The following NTM variants were observed in gnomAD, a reference collection of about 807,000 sequenced individuals.
NTM encodes the protein neurotrimin.
A neutral mutation model predicts 42.1 loss-of-function variants in NTM; 13 were observed. That is an observed-to-expected ratio of 0.31 (90% CI 0.20 to 0.49). NTM has a LOEUF of 0.49. Ranked by LOEUF, NTM falls within the 20% of genes least tolerant of loss-of-function variation. The pLI, the probability that NTM is intolerant of heterozygous loss-of-function variation, is 0.99. For missense variants in NTM, 373 were observed against 452.8 expected, an observed-to-expected ratio of 0.82 and a Z score of 1.60; for synonymous variants, 187 against 179.2, an observed-to-expected ratio of 1.04 and a Z score of -0.35.
intron 2 of NTM, among the ~76,000 whole-genome samples, chr11:132,144,485 G>A (rs989066214): frequency 6.6e-6 from 1 of 152,136 alleles, no homozygotes; most frequent in Non-Finnish European, 1.5e-5. Flanking sequence ...AATATTCTGT[G>A]TTCTTATTTT....
At chr11:131,588,616 AACAG>A (rs1592137456) in intron 1 of NTM, among the ~76,000 whole-genome samples, 1 of 152,346 alleles carries the variant, frequency 6.6e-6, no homozygotes, top group East Asian at 1.9e-4. Flanking sequence ...CTAGAACCAA[AACAG>A]ACAATCAAAA....
intron 1 of NTM, among the ~76,000 whole-genome samples, chr11:131,733,518 CCTTTCT>C (rs2079996516): frequency 1.1e-5 from 1 of 91,606 alleles, no homozygotes; most frequent in African/African-American, 3.8e-5. Flanking sequence ...TTCCTTCCTT[CCTTTCT>C]TTCTTTCTTT....
intron 2 of NTM, among the ~76,000 whole-genome samples, chr11:132,104,259 G>T (rs999135582): frequency 9.2e-5 from 14 of 152,138 alleles, no homozygotes; most frequent in Non-Finnish European, 1.5e-4. Flanking sequence ...ATGAGGCTAT[G>T]TACCAAAATA....
chr11:132,054,574 T>G (rs775114346), intron 2 of NTM, among the ~76,000 whole-genome samples: 2 of 152,232 alleles, frequency 1.3e-5, no homozygotes, highest in Non-Finnish European at 2.9e-5. Context: ...GAGTTAGCTC[T>G]CAATGAGTTA....
intron 1 of NTM, among the ~76,000 whole-genome samples, chr11:131,565,897 A>AC (rs2056831889): frequency 1.3e-5 from 2 of 152,070 alleles, no homozygotes; most frequent in Admixed American, 1.3e-4. Context: ...CCTTGTGCGG[A>AC]CCCATCTACA....
chr11:132,316,154 G>C lies in NTM; in HGVS notation c.934+1451G>C, dbSNP rs1220472856. On this transcript the variant is annotated intron_variant, in intron 7 of 8. Transcript: ENST00000683400. ...ACTTTGACCTACTCTCTCCTGACTT[G>C]GTTGCATGAAATGGTTCAGCCATTG... Among the ~76,000 whole-genome samples, 80 of 131,482 alleles carry C rather than the reference G, an allele frequency of 6.1e-4. No individual in the cohort carries two copies. The Admixed American group carries it at 7.4e-3, about 12-fold the overall frequency. 86.3% of individuals were successfully genotyped at this position (131,482 alleles called of 152,430 possible).
chr11:131,371,142 C>A, intron 1 of NTM: 1 of 975,688 alleles, frequency 1.0e-6, no homozygotes, highest in Non-Finnish European at 1.2e-6. Context: ...TAGGACTGTG[C>A]TTGTGTGCAA....
rs552388550 is a variant in NTM at position 132,319,160 on chromosome 11, G to T, written c.934+4457G>T. Among the ~76,000 whole-genome samples the T allele has an allele frequency of 2.4e-3, 364 of 152,312 alleles. 2 individuals carry two copies. The highest frequency in any genetic ancestry group is 0.014 in the Middle Eastern group (4 of 294). On this transcript the variant is annotated intron_variant, in intron 7 of 8. Transcript: ENST00000683400. ...CTGAGGAGCCAAGATGGCCGAATAG[G>T]AACAGCTCCAGTCTACAGCTCCCAG...
At chr11:132,132,030 A>G (rs2137085447) in intron 2 of NTM, among the ~76,000 whole-genome samples, 1 of 152,328 alleles carries the variant, frequency 6.6e-6, no homozygotes, top group South Asian at 2.1e-4. Context: ...GTTTCCGTAA[A>G]GGACTTAGAT....
rs542763858 is a variant in NTM at position 132,336,388 on chromosome 11, TA to T, written c.*1257del. ...GAGACATTTATAAAAAGTGAAAGGA[TA>T]AAAAAAAAAAAAAACAACTAATACC... On this transcript the variant is annotated 3_prime_UTR_variant, in exon 9 of 9. Coordinates refer to ENST00000683400, the MANE Select transcript of NTM (RefSeq NM_001352005.2). The T allele has an allele frequency of 0.011, 1,390 of 124,758 alleles. 7 individuals are homozygous for T. The highest frequency in any genetic ancestry group is 0.015 in the Non-Finnish European group (859 of 57,150). 7.7% of individuals were successfully genotyped at this position (124,758 alleles called of 1,614,324 possible). A position where few individuals can be genotyped will look rare whatever the true frequency, so the allele number is the denominator to read the frequency against.
At chr11:131,806,015 A>G (rs1463073534) in intron 1 of NTM, among the ~76,000 whole-genome samples, 1 of 152,234 alleles carries the variant, frequency 6.6e-6, no homozygotes, top group South Asian at 2.1e-4. Context: ...CAGATTTGAC[A>G]TCCATTGTTT....
intron 1 of NTM, among the ~76,000 whole-genome samples, chr11:131,567,854 C>T (rs534435984): frequency 1.3e-5 from 2 of 152,334 alleles, no homozygotes; most frequent in South Asian, 4.1e-4. Flanking sequence ...TGGAACATCA[C>T]CTGGGTTCCC....
At chr11:131,886,542 G>A (rs928328699) in intron 1 of NTM, among the ~76,000 whole-genome samples, 3 of 152,242 alleles carry the variant, frequency 2.0e-5, no homozygotes, top group Non-Finnish European at 4.4e-5. Context: ...AACTGGGTCT[G>A]AGGCACGCCT....
At chr11:132,019,213 A>T (rs1204644839) in intron 2 of NTM, among the ~76,000 whole-genome samples, 1 of 151,082 alleles carries the variant, frequency 6.6e-6, no homozygotes, top group Non-Finnish European at 1.5e-5. Flanking sequence ...ATTTGAATTT[A>T]GTTTTCTATT....
At chr11:131,602,807 A>G (rs1443771348) in intron 1 of NTM, among the ~76,000 whole-genome samples, 3 of 152,298 alleles carry the variant, frequency 2.0e-5, no homozygotes, top group African/African-American at 7.2e-5. Context: ...ATGTCAGTAA[A>G]TGAACCGCCA....
chr11:131,546,114 G>A (rs1016467351), intron 1 of NTM, among the ~76,000 whole-genome samples: 4 of 152,196 alleles, frequency 2.6e-5, no homozygotes, highest in African/African-American at 7.2e-5. Context: ...CCATGTTCCA[G>A]TGTCAGGTCT....
At chr11:132,190,052 A>G (rs2079054504) in intron 3 of NTM, among the ~76,000 whole-genome samples, 1 of 152,234 alleles carries the variant, frequency 6.6e-6, no homozygotes. Context: ...AGAAGGAATA[A>G]ATTAATTCTG....
intron 2 of NTM, among the ~76,000 whole-genome samples, chr11:132,112,623 G>T (rs890771071): frequency 6.6e-6 from 1 of 151,798 alleles, no homozygotes; most frequent in Admixed American, 6.6e-5. Flanking sequence ...AAGGCATCCC[G>T]CTCTCTAATC....
chr11:131,947,937 A>G (rs1015689404), intron 2 of NTM, among the ~76,000 whole-genome samples: 13 of 152,240 alleles, frequency 8.5e-5, no homozygotes, highest in Admixed American at 3.9e-4. Context: ...ATTGGCTGCT[A>G]TGAGTAGTAC....
Sources: gnomAD v4.1 joint callset for allele counts (sites outside exome capture counted in the v4.1 genomes callset) on GRCh38, gnomAD v4.1.1 for gene constraint, MANE v1.5 for transcripts, NCBI Gene and HGNC (gene_info 2026-07-23, HGNC 2026-07-21) for gene names.